Variants in FIRRM observed in about 807,000 individuals in gnomAD.
FIRRM encodes the protein FIGNL1 interacting regulator of recombination and mitosis, also known as FIGNL1-interacting regulator of recombination and mitosis.
the FIRRM span, chr1:169,851,614 C>CT: frequency 1.2e-5 from 8 of 642,644 alleles, no homozygotes; most frequent in Non-Finnish European, 2.1e-5. Flanking sequence ...AAAGACAACT[C>CT]TATAACTAAC....
At chr1:169,829,468 G>C in the FIRRM span, 1 of 1,584,684 alleles carries the variant, frequency 6.3e-7, no homozygotes, top group Non-Finnish European at 8.6e-7. Context: ...ATTACTTACT[G>C]TGCTAAGCTA....
At chr1:169,849,294 G>A in the FIRRM span, among the ~76,000 whole-genome samples, 1 of 152,180 alleles carries the variant, frequency 6.6e-6, no homozygotes, top group Admixed American at 6.5e-5. Context: ...GTCATTTGAG[G>A]ACTTTGGCTT....
the FIRRM span, among the ~76,000 whole-genome samples, chr1:169,825,183 T>A: frequency 6.6e-6 from 1 of 152,226 alleles, no homozygotes; most frequent in Admixed American, 6.5e-5. Flanking sequence ...CAAAAAACTT[T>A]CTATCTTTGC....
chr1:169,852,910 G>T, the FIRRM span: 1 of 1,614,132 alleles, frequency 6.2e-7, no homozygotes, highest in Non-Finnish European at 8.5e-7. Context: ...TCCTGCTCCA[G>T]CCTGGCTTTC....
the FIRRM span, among the ~76,000 whole-genome samples, chr1:169,843,949 G>T: frequency 6.6e-6 from 1 of 151,864 alleles, no homozygotes; most frequent in Non-Finnish European, 1.5e-5. Context: ...TTAATATATG[G>T]CGCTGTTAAT....
chr1:169,808,279 C>A, the FIRRM span, among the ~76,000 whole-genome samples: 1 of 152,088 alleles, frequency 6.6e-6, no homozygotes, highest in South Asian at 2.1e-4. Context: ...TGCAATCAAT[C>A]TTGCATTTTT....
the FIRRM span, among the ~76,000 whole-genome samples, chr1:169,789,146 T>G: frequency 1.1e-4 from 16 of 152,160 alleles, no homozygotes; most frequent in Admixed American, 2.0e-4. Context: ...AAATCCTTAT[T>G]ATCAACAATC....
chr1:169,791,780 G>A, the FIRRM span, among the ~76,000 whole-genome samples: 1 of 152,102 alleles, frequency 6.6e-6, no homozygotes, highest in African/African-American at 2.4e-5. Context: ...TTCCAAGAGA[G>A]AAAAAAATGC....
the FIRRM span, among the ~76,000 whole-genome samples, chr1:169,801,320 C>CTGTA: frequency 6.6e-6 from 1 of 151,780 alleles, no homozygotes; most frequent in Admixed American, 6.6e-5. Context: ...TGGCAGGTGC[C>CTGTA]TGTAATCCCA....
the FIRRM span, chr1:169,847,664 C>T: frequency 6.8e-7 from 1 of 1,474,772 alleles, no homozygotes; most frequent in Non-Finnish European, 9.5e-7. Context: ...TTATTTATAA[C>T]TGTTCTTTGG....
At chr1:169,812,718 G>T in the FIRRM span, among the ~76,000 whole-genome samples, 2 of 151,952 alleles carry the variant, frequency 1.3e-5, no homozygotes, top group Non-Finnish European at 2.9e-5. Context: ...TTAGCCAGGA[G>T]TGATGGTGCG....
the FIRRM span, among the ~76,000 whole-genome samples, chr1:169,797,887 T>A: frequency 6.6e-6 from 1 of 152,194 alleles, no homozygotes; most frequent in Admixed American, 6.5e-5. Context: ...ATTCTTATGG[T>A]GTTGTTACAG....
At chr1:169,792,820 G>C in the FIRRM span, 1 of 1,613,592 alleles carries the variant, frequency 6.2e-7, no homozygotes, top group Non-Finnish European at 8.5e-7. Context: ...TGGTTTCTGA[G>C]GTGAGAATGA....
At chr1:169,799,896 A>G in the FIRRM span, among the ~76,000 whole-genome samples, 251 of 151,968 alleles carry the variant, frequency 1.7e-3, no homozygotes, top group African/African-American at 5.6e-3. Context: ...ATCTCACTCT[A>G]TTGCCCAGGC....
the FIRRM span, among the ~76,000 whole-genome samples, chr1:169,796,703 G>A: frequency 6.6e-6 from 1 of 152,118 alleles, no homozygotes; most frequent in East Asian, 1.9e-4. Flanking sequence ...CATAGATCTC[G>A]TCATTTCCCT....
chr1:169,836,654 A>G, the FIRRM span, among the ~76,000 whole-genome samples: 2 of 152,230 alleles, frequency 1.3e-5, no homozygotes, highest in Admixed American at 6.5e-5. Context: ...GATATCTGAC[A>G]TAACTAATAA....
At chr1:169,798,268 G>T in the FIRRM span, among the ~76,000 whole-genome samples, 49 of 151,270 alleles carry the variant, frequency 3.2e-4, no homozygotes, top group East Asian at 8.9e-3. Flanking sequence ...GTGACAGCAA[G>T]ACCGTCTCTC....
chr1:169,788,003 G>T, the FIRRM span, among the ~76,000 whole-genome samples: 1 of 152,198 alleles, frequency 6.6e-6, no homozygotes, highest in South Asian at 2.1e-4. Context: ...GCTAAAAACA[G>T]ATTTTGTTTG....
the FIRRM span, among the ~76,000 whole-genome samples, chr1:169,796,434 A>G: frequency 6.6e-6 from 1 of 152,266 alleles, no homozygotes; most frequent in Non-Finnish European, 1.5e-5. Context: ...TATTCAAAAA[A>G]GCCCAAACTT....
Sources: allele counts gnomAD v4.1 joint callset (sites outside exome capture counted in the v4.1 genomes callset), GRCh38; gene constraint gnomAD v4.1.1; transcripts MANE v1.5; gene names NCBI Gene and HGNC (gene_info 2026-07-23, HGNC 2026-07-21).